NOS1AP: variants seen among roughly 807,000 people sequenced by gnomAD.
The protein encoded by NOS1AP is nitric oxide synthase 1 adaptor protein, also known as carboxyl-terminal PDZ ligand of neuronal nitric oxide synthase protein.
NOS1AP carries 21 observed loss-of-function variants against 56.2 expected under a neutral mutation model. The observed-to-expected ratio is 0.37, with a 90% CI of 0.26 to 0.54. The LOEUF is 0.54. Among genes scored for constraint, NOS1AP ranks in the 20% least tolerant of loss-of-function variants. NOS1AP has a pLI of 0.84. For synonymous variants in NOS1AP, 270 were observed against 274.6 expected (o/e 0.98, Z 0.17); for missense variants, 522 against 657.8 (o/e 0.79, Z 2.26).
At chr1:162,342,768 A>G in intron 5 of NOS1AP, 1 of 365,384 alleles carries the variant, frequency 2.7e-6, no homozygotes, top group Non-Finnish European at 5.5e-6. Flanking sequence ...GATGTGATTG[A>G]TGGACTATAT....
At chr1:162,315,053 G>C (rs1656187068) in intron 4 of NOS1AP, among the ~76,000 whole-genome samples, 1 of 152,230 alleles carries the variant, frequency 6.6e-6, no homozygotes, top group Non-Finnish European at 1.5e-5. Flanking sequence ...GTGAGTTTCA[G>C]ATTATTAAAG....
intron 1 of NOS1AP, among the ~76,000 whole-genome samples, chr1:162,085,209 A>C (rs1691975694): frequency 6.6e-6 from 1 of 152,046 alleles, no homozygotes; most frequent in South Asian, 2.1e-4. Flanking sequence ...TTGGGTGCTG[A>C]GGTCCCCAGC....
intron 2 of NOS1AP, among the ~76,000 whole-genome samples, chr1:162,279,477 G>A (rs1654848278): frequency 6.6e-6 from 1 of 152,138 alleles, no homozygotes; most frequent in African/African-American, 2.4e-5. Context: ...ATCTGTGTGT[G>A]CATGAACCGC....
At chr1:162,308,074 A>G (rs1339617399) in intron 4 of NOS1AP, among the ~76,000 whole-genome samples, 2 of 152,250 alleles carry the variant, frequency 1.3e-5, no homozygotes, top group African/African-American at 2.4e-5. Context: ...AAGAACTATT[A>G]AACTATAATA....
At position 162,072,598 on chromosome 1, in the gene NOS1AP, C is replaced by T. The variant is rs961215605; in HGVS notation, c.105+2316C>T. 6.6e-5 allele frequency among the ~76,000 whole-genome samples: 10 copies of T among 152,152 alleles called. No homozygotes were observed. In the South Asian group the frequency reaches 1.5e-3, roughly 22 times the overall value. ...GCAGAGAAGAAAGGACAAAAGCATA[C>T]GGTAAGGGGAGTGGTGGAACTTCTT... is the stretch of plus-strand genomic sequence containing the variant. On this transcript the variant is annotated intron_variant, in intron 1 of 9. Transcript: ENST00000361897.
At chr1:162,342,517 G>C (rs1413238471) in intron 5 of NOS1AP, 2 of 474,538 alleles carry the variant, frequency 4.2e-6, no homozygotes, top group East Asian at 6.6e-5. Context: ...TCCATGCACA[G>C]GGTTCCAAGG....
intron 1 of NOS1AP, among the ~76,000 whole-genome samples, chr1:162,117,466 C>G (rs1371436436): frequency 6.6e-6 from 1 of 152,140 alleles, no homozygotes; most frequent in Non-Finnish European, 1.5e-5. Context: ...TAGCTATCAT[C>G]CTCTTTGTTT....
rs545525422 is a variant in NOS1AP at position 162,236,715 on chromosome 1, T to C, written c.178-50629T>C. ...TATTCCTGCATTCCTCAATTTGCCT[T>C]CCTTTCTGTTTCCCTTGGTTAGAAA... On this transcript the variant is annotated intron_variant, in intron 2 of 9. Transcript: ENST00000361897. 3.3e-5 allele frequency among the ~76,000 whole-genome samples: 5 copies of C among 152,298 alleles called. No homozygotes were observed. The South Asian group carries it at 1.0e-3, about 32-fold the overall frequency.
At chr1:162,092,239 T>C (rs1692152213) in intron 1 of NOS1AP, among the ~76,000 whole-genome samples, 1 of 152,164 alleles carries the variant, frequency 6.6e-6, no homozygotes, top group South Asian at 2.1e-4. Context: ...ATTCATTCTT[T>C]TGTTTTAGGA....
intron 3 of NOS1AP, among the ~76,000 whole-genome samples, chr1:162,299,946 G>C (rs1046592087): frequency 6.6e-6 from 1 of 152,192 alleles, no homozygotes; most frequent in African/African-American, 2.4e-5. Context: ...TTATCTCTGA[G>C]AAATCCATAT....
intron 2 of NOS1AP, among the ~76,000 whole-genome samples, chr1:162,212,028 A>C (rs1174518453): frequency 6.6e-6 from 1 of 152,192 alleles, no homozygotes; most frequent in African/African-American, 2.4e-5. Flanking sequence ...CTAGCTCATA[A>C]TCTCTAGTCG....
intron 5 of NOS1AP, among the ~76,000 whole-genome samples, chr1:162,336,275 GA>G (rs2101799002): frequency 6.6e-6 from 1 of 152,254 alleles, no homozygotes; most frequent in East Asian, 1.9e-4. Context: ...TTATAGGTGG[GA>G]AAATGGGGCC....
chr1:162,316,538 A>G lies in NOS1AP; in HGVS notation c.344+15832A>G, dbSNP rs145960699. 8.6e-3 allele frequency among the ~76,000 whole-genome samples: 1,305 copies of G among 152,344 alleles called. 21 individuals are homozygous for G. The highest frequency in any genetic ancestry group is 0.03 in the African/African-American group (1,245 of 41,566). On this transcript the variant is annotated intron_variant, in intron 4 of 9. Coordinates refer to ENST00000361897, the MANE Select transcript of NOS1AP (RefSeq NM_014697.3). ...TTATCTTGGCCTTTGACTGTCTTAC[A>G]TGTCCATGTGAAGAGACCCCCAAAC... is the stretch of plus-strand genomic sequence containing the variant.
chr1:162,198,203 T>C (rs538960786), intron 2 of NOS1AP, among the ~76,000 whole-genome samples: 20 of 152,300 alleles, frequency 1.3e-4, no homozygotes, highest in Admixed American at 7.8e-4. Context: ...AGGGAGAGAA[T>C]GACATTTTAA....
At chr1:162,173,927 G>A (rs1458766943) in intron 2 of NOS1AP, among the ~76,000 whole-genome samples, 2 of 152,226 alleles carry the variant, frequency 1.3e-5, no homozygotes, top group Non-Finnish European at 2.9e-5. Context: ...TAGAGAGGAT[G>A]TGGAGAAGTA....
chr1:162,154,552 AG>A (rs1357698509), intron 2 of NOS1AP, 76 bp downstream of exon 2: 2 of 1,411,584 alleles, frequency 1.4e-6, no homozygotes, highest in Non-Finnish European at 2.0e-6. Flanking sequence ...GTAGGGCTGG[AG>A]GGGCCAAAAT....
At chr1:162,309,309 T>A (rs1430615778) in intron 4 of NOS1AP, among the ~76,000 whole-genome samples, 2 of 152,202 alleles carry the variant, frequency 1.3e-5, no homozygotes, top group Non-Finnish European at 2.9e-5. Context: ...AATCAGTTCT[T>A]AAACTCTAGA....
At chr1:162,214,839 A>T (rs559658793) in intron 2 of NOS1AP, among the ~76,000 whole-genome samples, 9 of 152,182 alleles carry the variant, frequency 5.9e-5, no homozygotes, top group Admixed American at 5.9e-4. Context: ...GTACGCTAAC[A>T]TTTGTTTGTT....
intron 8 of NOS1AP, chr1:162,364,937 AG>A (rs1456584940): frequency 9.8e-7 from 1 of 1,024,296 alleles, no homozygotes. Flanking sequence ...GTGGGTCAAT[AG>A]ATGAGTTTTG....
Sources: gnomAD v4.1 joint callset for allele counts (sites outside exome capture counted in the v4.1 genomes callset) on GRCh38, gnomAD v4.1.1 for gene constraint, MANE v1.5 for transcripts, NCBI Gene and HGNC (gene_info 2026-07-23, HGNC 2026-07-21) for gene names.